CNTN6: variants seen among roughly 807,000 people sequenced by gnomAD.
CNTN6 encodes contactin-6.
Under a neutral mutation model 122.8 loss-of-function variants are expected in CNTN6, and 137 were observed. The ratio of observed to expected loss-of-function variants is 1.12; its 90% confidence interval spans 0.97 to 1.29. The LOEUF (loss-of-function observed/expected upper bound fraction) is 1.29, where lower values mean the gene tolerates loss of function less well. Among genes scored for constraint, CNTN6 ranks in the 50% most tolerant of loss-of-function variants. CNTN6 has a pLI of 0.00. For missense variants in CNTN6, 1,634 were observed against 1,223.4 expected, an observed-to-expected ratio of 1.34 and a Z score of -5.01; for synonymous variants, 570 against 426.0, an observed-to-expected ratio of 1.34 and a Z score of -4.16.
At chr3:1,179,061 C>A (rs2093506312) in intron 2 of CNTN6, among the ~76,000 whole-genome samples, 1 of 152,088 alleles carries the variant, frequency 6.6e-6, no homozygotes, top group South Asian at 2.1e-4. Flanking sequence ...CAGGACACTT[C>A]CACTCATAGG....
chr3:1,165,146 T>C (rs2093217612), intron 2 of CNTN6, among the ~76,000 whole-genome samples: 1 of 152,210 alleles, frequency 6.6e-6, no homozygotes, highest in Admixed American at 6.5e-5. Flanking sequence ...CCATGGTTAT[T>C]TGTGTGGCTT....
intron 4 of CNTN6, among the ~76,000 whole-genome samples, chr3:1,257,632 T>G (rs973696368): frequency 4.6e-5 from 7 of 151,950 alleles, no homozygotes; most frequent in African/African-American, 1.7e-4. Context: ...ATCCAAGAGG[T>G]TTTCTGCTGT....
At chr3:1,188,720 C>G (rs1046055270) in intron 2 of CNTN6, among the ~76,000 whole-genome samples, 1 of 152,168 alleles carries the variant, frequency 6.6e-6, no homozygotes. Flanking sequence ...TGAAAAATCT[C>G]AATTTAAATA....
chr3:1,346,881 C>G (rs1280943705), intron 11 of CNTN6, among the ~76,000 whole-genome samples: 1 of 152,006 alleles, frequency 6.6e-6, no homozygotes, highest in Non-Finnish European at 1.5e-5. Context: ...TCATAATGAC[C>G]CATCAAATAG....
intron 11 of CNTN6, among the ~76,000 whole-genome samples, chr3:1,345,951 C>A (rs1704620002): frequency 6.7e-6 from 1 of 150,322 alleles, no homozygotes; most frequent in Non-Finnish European, 1.5e-5. Flanking sequence ...CTAGTTTCAG[C>A]AATAAGAAAT....
At chr3:1,263,075 A>G (rs1001957640) in intron 4 of CNTN6, among the ~76,000 whole-genome samples, 2 of 152,182 alleles carry the variant, frequency 1.3e-5, no homozygotes, top group African/African-American at 4.8e-5. Context: ...ACAACAGTCA[A>G]ATAATATACC....
intron 8 of CNTN6, 95 bp downstream of exon 8, chr3:1,321,929 C>T (rs998953142): frequency 1.5e-5 from 16 of 1,093,386 alleles, no homozygotes; most frequent in Middle Eastern, 2.7e-4. Flanking sequence ...AAAAGTGTCA[C>T]GGGAGAAATA....
chr3:1,324,476 G>T (rs763238643), intron 8 of CNTN6, among the ~76,000 whole-genome samples: 47 of 149,774 alleles, frequency 3.1e-4, no homozygotes, highest in Middle Eastern at 3.4e-3. Context: ...TTTCTGTTCT[G>T]GGTTTTCTTT....
intron 2 of CNTN6, among the ~76,000 whole-genome samples, chr3:1,178,737 A>C (rs2093499404): frequency 1.3e-5 from 2 of 152,228 alleles, no homozygotes; most frequent in Non-Finnish European, 1.5e-5. Context: ...GTTAGTGTGG[A>C]AGTTTGAGCA....
chr3:1,187,821 T>A (rs1242397311), intron 2 of CNTN6, among the ~76,000 whole-genome samples: 2 of 152,192 alleles, frequency 1.3e-5, no homozygotes, highest in Non-Finnish European at 2.9e-5. Context: ...GGCACATGGA[T>A]GGCAGGGACC....
At chr3:1,209,527 C>T (rs575368176) in intron 2 of CNTN6, among the ~76,000 whole-genome samples, 1 of 152,176 alleles carries the variant, frequency 6.6e-6, no homozygotes, top group Non-Finnish European at 1.5e-5. Flanking sequence ...TTGAATCTAA[C>T]TGATGCTTGA....
rs1365599872 is a variant in CNTN6 at position 1,384,687 on chromosome 3, T to TATAC, written c.2518-923_2518-922insTACA. On this transcript the variant is annotated intron_variant, in intron 19 of 22. Coordinates refer to ENST00000446702, the MANE Select transcript of CNTN6 (RefSeq NM_001289080.2). ...TTGCCTATATATATATATATATATATACACACACACACACGTATACATATA... is the reference window on the plus strand; with the variant it reads ...TTGCCTATATATATATATATATATATATACACACACACACACACGTATACATATA... 1.4e-3 allele frequency among the ~76,000 whole-genome samples: 155 copies of TATAC among 110,218 alleles called. 11 individuals carry two copies. In the South Asian group the frequency reaches 0.016, roughly 11 times the overall value. The allele number at this position is 110,218 out of a possible 152,430, so 72.3% of individuals were successfully genotyped here.
chr3:1,126,025 C>T (rs1369134153), intron 1 of CNTN6, among the ~76,000 whole-genome samples: 1 of 151,846 alleles, frequency 6.6e-6, no homozygotes, highest in South Asian at 2.1e-4. Flanking sequence ...TACCCCAAAA[C>T]ACGCTAGAAT....
At chr3:1,196,794 A>G (rs2093784602) in intron 2 of CNTN6, among the ~76,000 whole-genome samples, 1 of 152,210 alleles carries the variant, frequency 6.6e-6, no homozygotes, top group South Asian at 2.1e-4. Flanking sequence ...TGTATCAAGC[A>G]ATCACTAAAT....
chr3:1,192,874 T>C (rs1266357633), intron 2 of CNTN6, among the ~76,000 whole-genome samples: 2 of 152,162 alleles, frequency 1.3e-5, no homozygotes, highest in Non-Finnish European at 2.9e-5. Flanking sequence ...CTTCCTCAAC[T>C]TAGCTCACCC....
intron 8 of CNTN6, 103 bp downstream of exon 8, chr3:1,321,937 A>G (rs1700919884): frequency 1.0e-6 from 1 of 993,184 alleles, no homozygotes; most frequent in Non-Finnish European, 1.5e-6. Context: ...CACGGGAGAA[A>G]TAAGGAAGGC....
chr3:1,383,232 C>CT, intron 18 of CNTN6, 56 bp downstream of exon 18: 2 of 1,595,974 alleles, frequency 1.3e-6, no homozygotes, highest in Non-Finnish European at 1.7e-6. Context: ...TTTGTGTTCC[C>CT]TTGTTCCATT....
intron 11 of CNTN6, among the ~76,000 whole-genome samples, chr3:1,351,282 G>A (rs1705586398): frequency 6.6e-6 from 1 of 151,948 alleles, no homozygotes; most frequent in Non-Finnish European, 1.5e-5. Flanking sequence ...TTGCAATGCA[G>A]CAAATACTAT....
rs1478277770 is a variant in CNTN6 at position 1,221,739 on chromosome 3, ATATT to A, written c.182+929_182+932del. The stretch of plus-strand genomic sequence containing the variant: ...AAATATTCATAGGTAAATACTACAG[ATATT>A]TAGTTAGTAGAAACTTCATATGTAG... On this transcript the variant is annotated intron_variant, in intron 3 of 22. Coordinates refer to ENST00000446702, the MANE Select transcript of CNTN6 (RefSeq NM_001289080.2). 2.0e-5 allele frequency among the ~76,000 whole-genome samples: 3 copies of A among 152,330 alleles called. 1 individual carries two copies. The East Asian group carries it at 5.8e-4, about 29-fold the overall frequency.
Sources: gnomAD v4.1 joint callset for allele counts (sites outside exome capture counted in the v4.1 genomes callset) on GRCh38, gnomAD v4.1.1 for gene constraint, MANE v1.5 for transcripts, NCBI Gene and HGNC (gene_info 2026-07-23, HGNC 2026-07-21) for gene names.